The following RIMBP2 variants were observed in gnomAD, a reference collection of about 807,000 sequenced individuals.
RIMBP2 encodes RIMS-binding protein 2.
In RIMBP2, 48 loss-of-function variants were observed where a neutral mutation model predicts 118.6. That is an observed-to-expected ratio of 0.40 (90% confidence interval 0.32 to 0.51). The LOEUF is 0.51. Ranked by LOEUF, RIMBP2 falls within the 20% of genes least tolerant of loss-of-function variation. The probability of loss-of-function intolerance (pLI) is 0.41; values close to 1 mark genes in which losing one functional copy is unlikely to be tolerated. For synonymous variants in RIMBP2, 762 were observed against 742.9 expected (o/e 1.03, Z -0.42); for missense variants, 1,551 against 1,768.3 (o/e 0.88, Z 2.20).
intron 1 of RIMBP2, among the ~76,000 whole-genome samples, chr12:130,714,086 C>G (rs531174120): frequency 6.6e-6 from 1 of 152,144 alleles, no homozygotes; most frequent in East Asian, 1.9e-4. Context: ...GTGTGAGAAT[C>G]GCTGCTCCAA....
intron 2 of RIMBP2, among the ~76,000 whole-genome samples, chr12:130,595,379 A>G (rs2059494827): frequency 1.3e-5 from 2 of 151,932 alleles, no homozygotes; most frequent in Admixed American, 1.3e-4. Flanking sequence ...TAACACAGTG[A>G]AACCCTGTCT....
chr12:130,630,874 CAA>C (rs1484518880), intron 1 of RIMBP2, among the ~76,000 whole-genome samples: 1 of 151,982 alleles, frequency 6.6e-6, no homozygotes, highest in Non-Finnish European at 1.5e-5. Context: ...ACCATACATG[CAA>C]AGACTCATAA....
rs1228197431 is a variant in RIMBP2, at chr12:130,683,423, G to T, written c.-352+32799C>A. ...TCAGGTTGTAAAGGCCCCCAGCTCT[G>T]ATCACTGGCAATGAATGAACTAGGA... On this transcript the variant is annotated intron_variant, in intron 1 of 22. Coordinates refer to ENST00000690449, the MANE Select transcript of RIMBP2 (RefSeq NM_001393629.1). The surrounding 1 kb of genome is among the most constrained non-coding windows in gnomAD (Gnocchi z 4.4). Among the ~76,000 whole-genome samples, 2 of 152,204 alleles carry T rather than the reference G, an allele frequency of 1.3e-5. No individual in the cohort carries two copies. The highest frequency in any genetic ancestry group is 2.9e-5 in the Non-Finnish European group (2 of 68,040).
intron 2 of RIMBP2, among the ~76,000 whole-genome samples, chr12:130,534,649 G>C (rs1440297563): frequency 6.6e-6 from 1 of 152,252 alleles, no homozygotes; most frequent in Non-Finnish European, 1.5e-5. Flanking sequence ...GTGTGGCACA[G>C]TGGTGCCTGC....
intron 2 of RIMBP2, among the ~76,000 whole-genome samples, chr12:130,584,452 TCAC>T (rs1371852102): frequency 3.8e-5 from 3 of 79,260 alleles, no homozygotes; most frequent in Non-Finnish European, 5.7e-5. Context: ...CATCACCTCA[TCAC>T]CACCACCACC....
chr12:130,438,535 G>A lies in RIMBP2; in HGVS notation c.1505-19C>T. ...GGGGGTCCTGGGAGGGGACAGAAGG[G>A]AACGGAGGCGTTCAGGGACCAGCCC... On this transcript the variant is annotated intron_variant, in intron 11 of 22. Transcript: ENST00000690449. The A allele has an allele frequency of 6.4e-7, 1 of 1,564,808 alleles. No individual in the cohort carries two copies. The highest frequency in any genetic ancestry group is 8.7e-7 in the Non-Finnish European group (1 of 1,153,902).
intron 2 of RIMBP2, among the ~76,000 whole-genome samples, chr12:130,569,241 A>C (rs1178470321): frequency 6.6e-6 from 1 of 152,206 alleles, no homozygotes; most frequent in Non-Finnish European, 1.5e-5. Context: ...GACCTCGGTC[A>C]CGACCTGAAC....
chr12:130,540,681 C>A (rs945822643), intron 2 of RIMBP2, among the ~76,000 whole-genome samples: 9 of 152,180 alleles, frequency 5.9e-5, no homozygotes, highest in Non-Finnish European at 1.2e-4. Flanking sequence ...GGCTAAATTT[C>A]TTCCTGTTAT....
intron 5 of RIMBP2, among the ~76,000 whole-genome samples, chr12:130,472,579 G>A (rs906016165): frequency 1.3e-5 from 2 of 152,232 alleles, no homozygotes; most frequent in African/African-American, 4.8e-5. Context: ...AGTTTCTAGA[G>A]AAATATTTCC....
At chr12:130,507,226 G>A (rs1012516140) in intron 3 of RIMBP2, among the ~76,000 whole-genome samples, 1 of 152,148 alleles carries the variant, frequency 6.6e-6, no homozygotes, top group Non-Finnish European at 1.5e-5. Flanking sequence ...TTGCCATCAC[G>A]AGGGAAGAAC....
chr12:130,463,732 G>A (rs1051150845), intron 6 of RIMBP2, among the ~76,000 whole-genome samples: 4 of 152,022 alleles, frequency 2.6e-5, no homozygotes, highest in Admixed American at 1.3e-4. Flanking sequence ...TCTTGAATAG[G>A]GGCTGGGAAA....
intron 2 of RIMBP2, among the ~76,000 whole-genome samples, chr12:130,556,248 A>G (rs1014209636): frequency 1.3e-5 from 2 of 152,214 alleles, no homozygotes; most frequent in Non-Finnish European, 1.5e-5. Context: ...GCTGCAGGAT[A>G]AGAAGCACTG....
chr12:130,686,219 C>T (rs1263136955), intron 1 of RIMBP2, among the ~76,000 whole-genome samples: 7 of 152,214 alleles, frequency 4.6e-5, no homozygotes, highest in Admixed American at 4.6e-4. Context: ...ACAATAAAAC[C>T]CCTCCTTCTG....
intron 1 of RIMBP2, chr12:130,669,087 A>C (rs1018442476): frequency 1.3e-5 from 2 of 152,266 alleles, no homozygotes; most frequent in African/African-American, 4.8e-5. Flanking sequence ...TTAACCAAAC[A>C]CATCCATGTA....
chr12:130,614,061 G>T (rs1222283366), intron 2 of RIMBP2, among the ~76,000 whole-genome samples: 2 of 152,184 alleles, frequency 1.3e-5, no homozygotes, highest in East Asian at 3.9e-4. Context: ...AGGTTCTATT[G>T]TTACTTGCAG....
At chr12:130,480,214 CACACACA>C (rs2081852511) in intron 4 of RIMBP2, among the ~76,000 whole-genome samples, 1 of 151,806 alleles carries the variant, frequency 6.6e-6, no homozygotes, top group Non-Finnish European at 1.5e-5. Context: ...CACACACACA[CACACACA>C]CACACACACA....
rs527578666 is a variant in RIMBP2, at chr12:130,622,765, T to C, written c.-217+5557A>G. On this transcript the variant is annotated intron_variant, in intron 2 of 22. Coordinates refer to ENST00000690449, the MANE Select transcript of RIMBP2 (RefSeq NM_001393629.1). The surrounding 1 kb of genome is among the most constrained non-coding windows in gnomAD (Gnocchi z 8.5). ...GAAATATTGGGCTAGTTGGCAGATT[T>C]AGGCAATGCCTCCACTAGGCTGATA... Among the ~76,000 whole-genome samples the C allele has an allele frequency of 6.6e-6, 1 of 152,352 alleles. No homozygotes were observed. Among genetic ancestry groups the C allele is most frequent in the East Asian group, 1.9e-4 (1 of 5,190 alleles).
chr12:130,646,255 T>C (rs374756805), intron 1 of RIMBP2, among the ~76,000 whole-genome samples: 130 of 9,068 alleles, frequency 0.014, 26 homozygotes, highest in East Asian at 0.1. Flanking sequence ...CCCTCACCAC[T>C]TCCCTCTCCA....
intron 2 of RIMBP2, among the ~76,000 whole-genome samples, chr12:130,593,553 G>T (rs1475374025): frequency 6.6e-6 from 1 of 152,248 alleles, no homozygotes; most frequent in African/African-American, 2.4e-5. Context: ...GCTGGAGGGA[G>T]AGGAGAATCT....
Sources: allele counts gnomAD v4.1 joint callset (sites outside exome capture counted in the v4.1 genomes callset), GRCh38; gene constraint gnomAD v4.1.1; non-coding constraint Gnocchi (gnomAD v3.1); transcripts MANE v1.5; gene names NCBI Gene and HGNC (gene_info 2026-07-23, HGNC 2026-07-21).